AP1G1: variants seen among roughly 807,000 people sequenced by gnomAD.
The protein encoded by AP1G1 is adaptor related protein complex 1 subunit gamma 1, also known as AP-1 complex subunit gamma-1.
AP1G1 carries 7 observed loss-of-function variants against 108.3 expected under a neutral mutation model. The observed-to-expected ratio is 0.06, with a 90% CI of 0.04 to 0.12. AP1G1 has a LOEUF of 0.12. Ranked by LOEUF, AP1G1 falls within the 10% of genes least tolerant of loss-of-function variation. The pLI is 1.00. For synonymous variants in AP1G1, 379 were observed against 353.5 expected (o/e 1.07, Z -0.81); for missense variants, 756 against 1,010.7 (o/e 0.75, Z 3.42).
intron 2 of AP1G1, among the ~76,000 whole-genome samples, chr16:71,778,368 C>CA (rs1484456810): frequency 6.6e-6 from 1 of 152,110 alleles, no homozygotes; most frequent in Non-Finnish European, 1.5e-5. Flanking sequence ...GTGCTGAGAA[C>CA]ATACCATGTT....
At chr16:71,754,357 AAAGG>A (rs967809080) in intron 12 of AP1G1, among the ~76,000 whole-genome samples, 7 of 144,216 alleles carry the variant, frequency 4.9e-5, no homozygotes, top group South Asian at 2.2e-4. Context: ...AGAAAGAAAG[AAAGG>A]AAGGAAAGGA....
chr16:71,752,888 T>C (rs936253628), intron 13 of AP1G1, among the ~76,000 whole-genome samples: 1 of 152,226 alleles, frequency 6.6e-6, no homozygotes, highest in Non-Finnish European at 1.5e-5. Context: ...ATTAGCCATT[T>C]CTTTCTTCAT....
chr16:71,803,441 C>A lies in AP1G1; in HGVS notation c.-4+5322G>T, dbSNP rs907185665. 1.3e-4 allele frequency among the ~76,000 whole-genome samples: 20 copies of A among 152,118 alleles called. No homozygotes were observed. The South Asian group carries it at 3.5e-3, about 27-fold the overall frequency. On this transcript the variant is annotated intron_variant, in intron 1 of 22. Coordinates refer to ENST00000299980, the MANE Select transcript of AP1G1 (RefSeq NM_001128.6). ...GAAAAAAAGCATTTCTCATTTCAAT[C>A]ATCTCATCCTAAACCTTGCCCTTTT...
chr16:71,739,467 T>G, intron 19 of AP1G1, 126 bp from the exon 20 acceptor site: 1 of 695,088 alleles, frequency 1.4e-6, no homozygotes, highest in Non-Finnish European at 2.3e-6. Flanking sequence ...GCAAAAAGCA[T>G]AGACCACAAA....
intron 9 of AP1G1, among the ~76,000 whole-genome samples, chr16:71,762,002 C>T (rs1265878566): frequency 6.6e-6 from 1 of 151,756 alleles, no homozygotes; most frequent in Non-Finnish European, 1.5e-5. Context: ...ATATATATTC[C>T]CTGTTTTATC....
intron 19 of AP1G1, among the ~76,000 whole-genome samples, chr16:71,740,397 G>A (rs535685655): frequency 9.9e-5 from 15 of 152,200 alleles, no homozygotes; most frequent in African/African-American, 3.6e-4. Flanking sequence ...CCCCTTCTTA[G>A]GAATGCTTTT....
At chr16:71,761,816 C>CAAAAA (rs375647068) in intron 9 of AP1G1, among the ~76,000 whole-genome samples, 4 of 44,834 alleles carry the variant, frequency 8.9e-5, no homozygotes, top group African/African-American at 1.6e-4. Flanking sequence ...GACTCCATCT[C>CAAAAA]AAAAAAAAAA....
At chr16:71,764,475 A>G (rs372143985) in intron 8 of AP1G1, 27 bp from the exon 9 acceptor site, 105 of 1,467,214 alleles carry the variant, frequency 7.2e-5, no homozygotes, top group Non-Finnish European at 9.7e-5. Flanking sequence ...AGGGCAGTAC[A>G]TAAGTGATAA....
In AP1G1 at chr16:71,739,388, AAGCTTACCAAGAAATTAT is replaced by A. The variant is rs150867901; in HGVS notation, c.2000-65_2000-48del. The A allele has an allele frequency of 1.4e-3, 1,961 of 1,419,236 alleles. 24 individuals carry two copies. In the African/African-American group the frequency reaches 0.023, roughly 17 times the overall value. 87.9% of individuals were successfully genotyped at this position (1,419,236 alleles called of 1,614,324 possible). On this transcript the variant is annotated intron_variant, in intron 19 of 22. Coordinates refer to ENST00000299980, the MANE Select transcript of AP1G1 (RefSeq NM_001128.6). ...AAAGTTAACCTTAGGCAGCATGACA[AAGCTTACCAAGAAATTAT>A]AGGGAAAATTATTTCGGTCTCAGGT...
At chr16:71,768,090 C>T (rs74475762) in intron 6 of AP1G1, among the ~76,000 whole-genome samples, 1,827 of 150,438 alleles carry the variant, frequency 0.012, 18 homozygotes, top group Non-Finnish European at 0.019. Flanking sequence ...TGACCAGCAT[C>T]CTATAAAAGA....
rs933504726 is a variant in AP1G1, at chr16:71,729,434, A to C, written c.*3624T>G. The C allele has an allele frequency of 1.5e-5, 2 of 129,626 alleles. No individual in the cohort carries two copies. The highest frequency in any genetic ancestry group is 3.1e-5 in the Non-Finnish European group (2 of 63,600). The allele number at this position is 129,626 out of a possible 1,614,324, so 8.0% of individuals were successfully genotyped here. On this transcript the variant is annotated 3_prime_UTR_variant, in exon 23 of 23. Coordinates refer to ENST00000299980, the MANE Select transcript of AP1G1 (RefSeq NM_001128.6). ...CAACCGCAGGTTCTTTGAGGGAAGAAAAAAAAAAAAAAAAAAACCAACTCC... is the reference window on the plus strand; with the variant it reads ...CAACCGCAGGTTCTTTGAGGGAAGACAAAAAAAAAAAAAAAAACCAACTCC...
intron 19 of AP1G1, among the ~76,000 whole-genome samples, chr16:71,741,172 A>G (rs1438687785): frequency 6.6e-6 from 1 of 152,240 alleles, no homozygotes; most frequent in African/African-American, 2.4e-5. Flanking sequence ...TTAACTGAAA[A>G]TATGCCATTT....
At chr16:71,791,922 T>G (rs886862566) in intron 1 of AP1G1, among the ~76,000 whole-genome samples, 1 of 151,868 alleles carries the variant, frequency 6.6e-6, no homozygotes, top group African/African-American at 2.4e-5. Flanking sequence ...CCACCATGCT[T>G]GGCTAATTTT....
At chr16:71,798,193 C>A (rs955255460) in intron 1 of AP1G1, among the ~76,000 whole-genome samples, 1 of 149,722 alleles carries the variant, frequency 6.7e-6, no homozygotes, top group Non-Finnish European at 1.5e-5. Context: ...CGCCAGTAAT[C>A]CCAACACTTT....
At chr16:71,774,782 G>A (rs1038590727) in intron 2 of AP1G1, among the ~76,000 whole-genome samples, 190 bp from the exon 3 acceptor site, 2 of 151,912 alleles carry the variant, frequency 1.3e-5, no homozygotes, top group Non-Finnish European at 2.9e-5. Flanking sequence ...GTGCAATGGT[G>A]TGATCTCGGC....
In AP1G1 at chr16:71,756,009, T is replaced by C. The variant is rs1224321898; in HGVS notation, c.1229+10A>G. 4 of 1,605,464 alleles carry C rather than the reference T, an allele frequency of 2.5e-6. No individual in the cohort carries two copies. Among genetic ancestry groups the C allele is most frequent in the Non-Finnish European group, 2.5e-6 (3 of 1,176,876 alleles). ...AGACTTTACCAATAAAGGTAAAAAT[T>C]AAATCTTACTTTTCTGCAGCAAGAA... On this transcript the variant is annotated intron_variant, in intron 12 of 22. Transcript: ENST00000299980.
intron 2 of AP1G1, among the ~76,000 whole-genome samples, chr16:71,781,945 T>C (rs905637704): frequency 6.6e-6 from 1 of 152,236 alleles, no homozygotes; most frequent in African/African-American, 2.4e-5. Context: ...GGTATGAACT[T>C]TCACCAGGAG....
intron 21 of AP1G1, among the ~76,000 whole-genome samples, chr16:71,736,117 A>AAAAAAAAATATATAT (rs1555550846): frequency 4.2e-5 from 3 of 71,636 alleles, no homozygotes; most frequent in African/African-American, 1.9e-4. Flanking sequence ...AAAAAAAAAA[A>AAAAAAAAATATATAT]ATATATATAT....
chr16:71,766,090 A>C (rs979173908), intron 6 of AP1G1, among the ~76,000 whole-genome samples: 1 of 152,208 alleles, frequency 6.6e-6, no homozygotes, highest in Non-Finnish European at 1.5e-5. Flanking sequence ...TAGAAGAGTT[A>C]TACCCTTTTC....
Sources: allele counts gnomAD v4.1 joint callset (sites outside exome capture counted in the v4.1 genomes callset), GRCh38; gene constraint gnomAD v4.1.1; transcripts MANE v1.5; gene names NCBI Gene and HGNC (gene_info 2026-07-23, HGNC 2026-07-21).